The following TMX4 variants were observed in gnomAD, a reference collection of about 807,000 sequenced individuals.
The protein encoded by TMX4 is thioredoxin-related transmembrane protein 4.
A neutral mutation model predicts 33.3 loss-of-function variants in TMX4; 23 were observed. The ratio of observed to expected loss-of-function variants is 0.69; its 90% CI spans 0.50 to 0.98. The LOEUF (loss-of-function observed/expected upper bound fraction) is 0.98. Among genes scored for constraint, TMX4 ranks in the 50% least tolerant of loss-of-function variants. TMX4 has a pLI of 0.00. For missense variants in TMX4, 399 were observed against 448.9 expected, an observed-to-expected ratio of 0.89 and a Z score of 1.01; for synonymous variants, 164 against 161.5, an observed-to-expected ratio of 1.02 and a Z score of -0.12.
chr20:7,987,100 A>G (rs575008917), intron 6 of TMX4, among the ~76,000 whole-genome samples, 188 bp downstream of exon 6: 18 of 152,016 alleles, frequency 1.2e-4, no homozygotes, highest in Admixed American at 1.0e-3. Context: ...GGGGATAAGA[A>G]TTTAATAAAT....
chr20:8,004,816 A>G (rs771941463), intron 2 of TMX4, among the ~76,000 whole-genome samples: 1 of 152,192 alleles, frequency 6.6e-6, no homozygotes, highest in African/African-American at 2.4e-5. Context: ...TACTAAACCT[A>G]TCCTAGCCTC....
At chr20:7,984,301 G>C (rs967914808) in intron 6 of TMX4, among the ~76,000 whole-genome samples, 1 of 152,178 alleles carries the variant, frequency 6.6e-6, no homozygotes, top group Non-Finnish European at 1.5e-5. Flanking sequence ...GAAGGAGGAG[G>C]CATTTAATGC....
intron 1 of TMX4, among the ~76,000 whole-genome samples, chr20:8,012,031 A>T (rs2050755067): frequency 6.6e-6 from 1 of 152,148 alleles, no homozygotes; most frequent in African/African-American, 2.4e-5. Context: ...TCATCTGAGA[A>T]AATAAGTTAT....
intron 2 of TMX4, among the ~76,000 whole-genome samples, chr20:8,005,238 C>CT (rs1399871023): frequency 2.0e-5 from 3 of 152,168 alleles, no homozygotes; most frequent in Non-Finnish European, 4.4e-5. Flanking sequence ...CTGACCTTGA[C>CT]AACTAAGCTC....
At chr20:8,015,974 T>C (rs1418014774) in intron 1 of TMX4, among the ~76,000 whole-genome samples, 2 of 152,228 alleles carry the variant, frequency 1.3e-5, no homozygotes, top group African/African-American at 4.8e-5. Context: ...CACTTGGCTA[T>C]CTATTTCTTC....
intron 5 of TMX4, among the ~76,000 whole-genome samples, chr20:7,994,070 C>G (rs2050666176): frequency 6.6e-6 from 1 of 151,828 alleles, no homozygotes; most frequent in Non-Finnish European, 1.5e-5. Context: ...CTAGATAAAA[C>G]TATTTTACAA....
intron 2 of TMX4, among the ~76,000 whole-genome samples, chr20:8,005,228 C>T: frequency 6.6e-6 from 1 of 152,154 alleles, no homozygotes; most frequent in East Asian, 1.9e-4. Flanking sequence ...TGCTGTTTTC[C>T]TGACCTTGAC....
intron 5 of TMX4, among the ~76,000 whole-genome samples, chr20:7,990,922 T>C (rs2050651696): frequency 6.6e-6 from 1 of 152,226 alleles, no homozygotes; most frequent in South Asian, 2.1e-4. Flanking sequence ...GAAAGGTACC[T>C]TACAGATGTG....
In TMX4 at chr20:7,987,358, C is replaced by A; in HGVS notation, c.545G>T (p.Gly182Val). Reference protein sequence around the residue: ...HLHNYFTVTLGIPAWCSYVFF... With the variant: ...HLHNYFTVTLVIPAWCSYVFF... ...GACATAAGAACACCAAGCAGGAATTCCAAGAGTCACTGTGAAATAGTTGTG... is the reference window on the plus strand; with the variant it reads ...GACATAAGAACACCAAGCAGGAATTACAAGAGTCACTGTGAAATAGTTGTG... The change falls in exon 6 of 8, where the codon GGA becomes GTA. Residue 182 changes from glycine to valine, a missense_variant. Gly to Val is a moderately radical substitution (Grantham distance 109). Coordinates refer to ENST00000246024, the MANE Select transcript of TMX4 (RefSeq NM_021156.4). 6.3e-7 allele frequency: 1 copy of A among 1,594,378 alleles called. No individual in the cohort carries two copies. The highest frequency in any genetic ancestry group is 1.8e-5 in the Admixed American group (1 of 54,260).
intron 5 of TMX4, among the ~76,000 whole-genome samples, chr20:7,994,138 A>G (rs1479762548): frequency 5.3e-5 from 8 of 152,090 alleles, no homozygotes; most frequent in Non-Finnish European, 8.8e-5. Flanking sequence ...ATAAAATGTA[A>G]TTACTTGTGT....
At position 7,982,103 on chromosome 20, in the gene TMX4, C is replaced by T; in HGVS notation, c.*148G>A. 3.9e-6 allele frequency: 3 copies of T among 770,676 alleles called. No individual in the cohort carries two copies. The highest frequency in any genetic ancestry group is 4.1e-6 in the Non-Finnish European group (2 of 491,740). 47.7% of individuals were successfully genotyped at this position (770,676 alleles called of 1,614,324 possible). On this transcript the variant is annotated 3_prime_UTR_variant, in exon 8 of 8. Coordinates refer to ENST00000246024, the MANE Select transcript of TMX4 (RefSeq NM_021156.4). ...AAGACTCTCCTTAGTATACATGAGG[C>T]TTACTGCCATGAGACCAAATGACTA...
chr20:7,992,402 A>C (rs2122859334), intron 5 of TMX4, among the ~76,000 whole-genome samples: 1 of 152,314 alleles, frequency 6.6e-6, no homozygotes, highest in East Asian at 1.9e-4. Flanking sequence ...TGAATTGGAA[A>C]GAAAATTTAA....
In TMX4 at chr20:7,982,443, A is replaced by G; in HGVS notation, c.858T>C (p.Ala286=). 2 of 1,614,070 alleles carry G rather than the reference A, an allele frequency of 1.2e-6. No individual in the cohort carries two copies. Among genetic ancestry groups the G allele is most frequent in the African/African-American group, 1.3e-5 (1 of 75,016 alleles). ...CACTTCTCTCCTCATCCACACCAGCAGCCAAGTTGTCCTCCTCCTCTTCTT... is the reference window on the plus strand; with the variant it reads ...CACTTCTCTCCTCATCCACACCAGCGGCCAAGTTGTCCTCCTCCTCTTCTT... ...AEEEEEEDNL[A]AGVDEERSEA... Residue 286 remains alanine, a synonymous_variant, in exon 8 of 8, where the codon GCT becomes GCC. Transcript: ENST00000246024.
intron 5 of TMX4, among the ~76,000 whole-genome samples, chr20:7,995,489 T>C (rs1418533797): frequency 1.3e-5 from 2 of 152,192 alleles, no homozygotes; most frequent in South Asian, 2.1e-4. Flanking sequence ...AAAGGCCAGA[T>C]TGTAAATATT....
At position 8,010,312 on chromosome 20, in the gene TMX4, G is replaced by C. The variant is rs779377758; in HGVS notation, c.180C>G (p.Tyr60Ter). Residue 60 changes from tyrosine to a stop codon, truncating the protein, a stop_gained, in exon 2 of 8, where the codon TAC becomes TAG. Coordinates refer to ENST00000246024, the MANE Select transcript of TMX4 (RefSeq NM_021156.4). LOFTEE classifies it high-confidence loss of function. The part of the protein sequence containing the change: ...VMEGEWMLKF[Y>*]APWCPSCQQT... ...GCTGGCAGGATGGACACCATGGGGC[G>C]TAACTATAAGAGAAGAATAAGAATT... 9 of 1,600,912 alleles carry C rather than the reference G, an allele frequency of 5.6e-6. No homozygotes were observed. Among genetic ancestry groups the C allele is most frequent in the Non-Finnish European group, 7.7e-6 (9 of 1,172,368 alleles).
chr20:8,009,392 TATA>T (rs1317438004), intron 2 of TMX4, among the ~76,000 whole-genome samples: 3 of 152,018 alleles, frequency 2.0e-5, no homozygotes, highest in Admixed American at 6.6e-5. Flanking sequence ...CACAGTGAAA[TATA>T]ATATCTGATT....
rs2122894327 is a variant in TMX4, at chr20:8,019,714, C to T, written c.-101G>A. 3 of 1,049,722 alleles carry T rather than the reference C, an allele frequency of 2.9e-6. No homozygotes were observed. The highest frequency in any genetic ancestry group is 3.3e-5 in the African/African-American group (2 of 60,094). The allele number at this position is 1,049,722 out of a possible 1,614,324, so 65.0% of individuals were successfully genotyped here. ...CCGGGTTTTTCAAGGAAGCGGGAGA[C>T]GCAAGGGCCACCCCGCCTACGCCTA... On this transcript the variant is annotated 5_prime_UTR_variant, in exon 1 of 8. Coordinates refer to ENST00000246024, the MANE Select transcript of TMX4 (RefSeq NM_021156.4).
intron 1 of TMX4, among the ~76,000 whole-genome samples, chr20:8,017,833 AC>A (rs964525014): frequency 3.3e-5 from 5 of 152,104 alleles, no homozygotes; most frequent in Admixed American, 3.3e-4. Context: ...ATAGAATATG[AC>A]CCCCTCACCT....
At chr20:7,993,358 G>T (rs1883202) in intron 5 of TMX4, among the ~76,000 whole-genome samples, 8,864 of 152,178 alleles carry the variant, frequency 0.058, 822 homozygotes, top group African/African-American at 0.2. Flanking sequence ...CTAGACATGA[G>T]TTAAAAAACA....
Sources: gnomAD v4.1 joint callset for allele counts (sites outside exome capture counted in the v4.1 genomes callset) on GRCh38, gnomAD v4.1.1 for gene constraint, MANE v1.5 for transcripts, NCBI Gene and HGNC (gene_info 2026-07-23, HGNC 2026-07-21) for gene names.